CA10: variants seen among roughly 807,000 people sequenced by gnomAD.
CA10 encodes the protein carbonic anhydrase-related protein 10.
CA10 carries 14 observed loss-of-function variants against 44.2 expected under a neutral mutation model. The observed-to-expected ratio is 0.32, with a 90% confidence interval of 0.21 to 0.50. CA10 has a LOEUF of 0.50. CA10 is among the 20% of genes least tolerant of loss of function. The probability of loss-of-function intolerance (pLI) is 0.99; values close to 1 mark genes in which losing one functional copy is unlikely to be tolerated. For missense variants in CA10, 350 were observed against 409.7 expected, an observed-to-expected ratio of 0.85 and a Z score of 1.26; for synonymous variants, 159 against 141.6, an observed-to-expected ratio of 1.12 and a Z score of -0.87.
intron 4 of CA10, among the ~76,000 whole-genome samples, chr17:51,710,649 C>G (rs1915908790): frequency 6.6e-6 from 1 of 152,072 alleles, no homozygotes; most frequent in South Asian, 2.1e-4. Context: ...ATCATTTCCT[C>G]TGGGTGGTAA....
chr17:51,665,682 G>A lies in CA10; in HGVS notation c.466-11946C>T, dbSNP rs80041995. On this transcript the variant is annotated intron_variant, in intron 4 of 8. Coordinates refer to ENST00000451037, the MANE Select transcript of CA10 (RefSeq NM_020178.5). ...CTACAAATCTGCACAGCATGTTACC[G>A]TACTGAATACCATAGGCAATTGTAT... is the stretch of plus-strand genomic sequence containing the variant. 6.6e-3 allele frequency among the ~76,000 whole-genome samples: 1,010 copies of A among 152,270 alleles called. 4 individuals are homozygous for A. The highest frequency in any genetic ancestry group is 0.011 in the Non-Finnish European group (724 of 68,016).
chr17:51,890,637 G>A (rs1364308582), intron 3 of CA10, among the ~76,000 whole-genome samples: 1 of 152,126 alleles, frequency 6.6e-6, no homozygotes, highest in Admixed American at 6.6e-5. Flanking sequence ...AAAAATGAGT[G>A]AACAGTATAT....
intron 4 of CA10, among the ~76,000 whole-genome samples, chr17:51,655,238 G>A (rs139675068): frequency 0.01 from 1,525 of 152,178 alleles, 12 homozygotes; most frequent in Middle Eastern, 0.024. Context: ...CCATCTTCTC[G>A]CTGGCTTTCG....
At chr17:52,157,649 A>G (rs544225669) in intron 1 of CA10, 77 bp downstream of exon 1, 839 of 1,318,590 alleles carry the variant, frequency 6.4e-4, no homozygotes, top group Admixed American at 2.3e-3. Context: ...CCCCGCGGCT[A>G]TATACAATAA....
chr17:51,773,402 G>C (rs935893194), intron 3 of CA10, among the ~76,000 whole-genome samples: 1 of 152,214 alleles, frequency 6.6e-6, no homozygotes, highest in Non-Finnish European at 1.5e-5. Flanking sequence ...GGCTTTGTGG[G>C]CTAGTCATCT....
intron 1 of CA10, among the ~76,000 whole-genome samples, chr17:52,096,880 T>C (rs1988414616): frequency 6.6e-6 from 1 of 152,226 alleles, no homozygotes; most frequent in East Asian, 1.9e-4. Context: ...ATCTATCCTT[T>C]GTAACTTGCT....
intron 3 of CA10, among the ~76,000 whole-genome samples, chr17:51,825,052 AAG>A (rs1225174267): frequency 6.6e-5 from 10 of 152,240 alleles, no homozygotes; most frequent in African/African-American, 2.4e-4. Context: ...ACAAAAATGA[AAG>A]AGCTGAATCT....
intron 3 of CA10, among the ~76,000 whole-genome samples, chr17:51,889,402 T>C (rs1220639775): frequency 6.6e-6 from 1 of 152,134 alleles, no homozygotes. Flanking sequence ...TGAACACCCA[T>C]AGTCCCAGCT....
intron 2 of CA10, among the ~76,000 whole-genome samples, chr17:51,980,013 T>C (rs1567907610): frequency 6.6e-6 from 1 of 152,014 alleles, no homozygotes; most frequent in Non-Finnish European, 1.5e-5. Flanking sequence ...GTCTTTATGT[T>C]AGAATGATCT....
chr17:52,014,093 C>A (rs757970703), intron 2 of CA10, among the ~76,000 whole-genome samples: 5 of 151,266 alleles, frequency 3.3e-5, no homozygotes, highest in Non-Finnish European at 7.4e-5. Context: ...AATTAAACTT[C>A]CATATTAAAA....
At chr17:51,694,696 G>A (rs1479443759) in intron 4 of CA10, among the ~76,000 whole-genome samples, 1 of 151,992 alleles carries the variant, frequency 6.6e-6, no homozygotes, top group Admixed American at 6.6e-5. Context: ...TGTTGCAATT[G>A]CTTTTGAGGA....
chr17:51,807,266 G>A (rs754122958), intron 3 of CA10, among the ~76,000 whole-genome samples: 1 of 152,168 alleles, frequency 6.6e-6, no homozygotes, highest in Non-Finnish European at 1.5e-5. Flanking sequence ...TGCTTTCGCT[G>A]CTTTATTTTA....
intron 3 of CA10, among the ~76,000 whole-genome samples, chr17:51,895,768 C>T (rs574905393): frequency 2.6e-5 from 4 of 151,858 alleles, no homozygotes; most frequent in South Asian, 2.1e-4. Context: ...TTTGTTTAAG[C>T]GAGATTGTTG....
chr17:51,709,517 G>C (rs1028771834), intron 4 of CA10, among the ~76,000 whole-genome samples: 7 of 152,164 alleles, frequency 4.6e-5, no homozygotes, highest in African/African-American at 1.7e-4. Context: ...ATATCACCTG[G>C]GAGTTTTTAA....
At chr17:51,923,065 C>T (rs1982293011) in intron 3 of CA10, among the ~76,000 whole-genome samples, 1 of 152,154 alleles carries the variant, frequency 6.6e-6, no homozygotes, top group African/African-American at 2.4e-5. Flanking sequence ...CTGTATCCCA[C>T]AAACATACAT....
At chr17:51,841,503 G>C (rs1054025959) in intron 3 of CA10, among the ~76,000 whole-genome samples, 1 of 152,156 alleles carries the variant, frequency 6.6e-6, no homozygotes, top group Non-Finnish European at 1.5e-5. Flanking sequence ...AGGTAAGTGT[G>C]GGAAGACAAA....
At chr17:51,816,914 C>T (rs896765227) in intron 3 of CA10, among the ~76,000 whole-genome samples, 1 of 152,156 alleles carries the variant, frequency 6.6e-6, no homozygotes, top group Non-Finnish European at 1.5e-5. Context: ...GGAGCAGAGT[C>T]CTCCCTTCCA....
At chr17:51,937,491 G>C (rs1379177650) in intron 2 of CA10, among the ~76,000 whole-genome samples, 2 of 152,062 alleles carry the variant, frequency 1.3e-5, no homozygotes, top group African/African-American at 4.8e-5. Context: ...GCACATGGAG[G>C]GTCTTTAACT....
chr17:51,975,002 G>A (rs1026996446), intron 2 of CA10, among the ~76,000 whole-genome samples: 6 of 152,112 alleles, frequency 3.9e-5, no homozygotes, highest in Admixed American at 3.9e-4. Context: ...CACAAGAAAT[G>A]GTAAAATGTA....
Sources: allele counts gnomAD v4.1 joint callset (sites outside exome capture counted in the v4.1 genomes callset), GRCh38; gene constraint gnomAD v4.1.1; transcripts MANE v1.5; gene names NCBI Gene and HGNC (gene_info 2026-07-23, HGNC 2026-07-21).